RARB: variants seen among roughly 807,000 people sequenced by gnomAD.
RARB encodes retinoic acid receptor beta.
Under a neutral mutation model 51.9 loss-of-function variants are expected in RARB, and 17 were observed. The ratio of observed to expected loss-of-function variants is 0.33; its 90% CI spans 0.22 to 0.49. The LOEUF (loss-of-function observed/expected upper bound fraction) is 0.49, where lower values mean the gene tolerates loss of function less well. RARB is among the 20% of genes least tolerant of loss of function. The pLI is 0.99. For synonymous variants in RARB, 215 were observed against 195.4 expected (o/e 1.10, Z -0.84); for missense variants, 369 against 550.8 (o/e 0.67, Z 3.30).
At chr3:25,128,975 A>C (rs1699902757) in intron 3 of RARB, among the ~76,000 whole-genome samples, 1 of 152,188 alleles carries the variant, frequency 6.6e-6, no homozygotes, top group African/African-American at 2.4e-5. Context: ...GATGACATCC[A>C]AAACTGAAAT....
chr3:25,321,484 G>A (rs781158666), intron 5 of RARB, among the ~76,000 whole-genome samples: 18 of 152,120 alleles, frequency 1.2e-4, no homozygotes, highest in East Asian at 1.2e-3. Flanking sequence ...TTGGGAGGCC[G>A]AGGCAGTCCA....
chr3:24,877,604 C>T (rs528339579), intron 2 of RARB, among the ~76,000 whole-genome samples: 26 of 151,986 alleles, frequency 1.7e-4, no homozygotes, highest in Non-Finnish European at 3.1e-4. Flanking sequence ...GAAATACCAG[C>T]GTAAGGGCAG....
intron 2 of RARB, among the ~76,000 whole-genome samples, chr3:24,959,924 A>G (rs1696101902): frequency 6.6e-6 from 1 of 152,242 alleles, no homozygotes; most frequent in Admixed American, 6.5e-5. Flanking sequence ...TGTTCAGAGA[A>G]GCTTGGAGAC....
chr3:25,536,703 G>T (rs1179451159), intron 3 of RARB, among the ~76,000 whole-genome samples: 1 of 152,206 alleles, frequency 6.6e-6, no homozygotes, highest in African/African-American at 2.4e-5. Context: ...CAGATGTGTT[G>T]CTGTGTTGAG....
At chr3:25,275,970 T>A (rs1216079598) in intron 5 of RARB, among the ~76,000 whole-genome samples, 1 of 152,212 alleles carries the variant, frequency 6.6e-6, no homozygotes, top group African/African-American at 2.4e-5. Context: ...TATCTTAGAA[T>A]GAGCAGCAAG....
intron 2 of RARB, among the ~76,000 whole-genome samples, chr3:24,997,699 A>G (rs988271296): frequency 6.6e-6 from 1 of 152,040 alleles, no homozygotes; most frequent in Non-Finnish European, 1.5e-5. Flanking sequence ...TTACTTTTTA[A>G]TATAATTTAT....
At chr3:25,243,478 G>C (rs1241526848) in intron 5 of RARB, among the ~76,000 whole-genome samples, 2 of 152,084 alleles carry the variant, frequency 1.3e-5, no homozygotes, top group Non-Finnish European at 1.5e-5. Flanking sequence ...TTTGAGGTAT[G>C]TTTCATTAAT....
Position 25,119,245 on chromosome 3 carries a change from G to A in RARB, c.-327-12916G>A, listed in dbSNP as rs73047792. Among the ~76,000 whole-genome samples the A allele has an allele frequency of 5.7e-3, 862 of 152,212 alleles. 4 individuals carry two copies. Among genetic ancestry groups the A allele is most frequent in the Middle Eastern group, 0.02 (6 of 294 alleles). On this transcript the variant is annotated intron_variant, in intron 3 of 11. Coordinates refer to the RARB transcript ENST00000383772. ...AACAGGATGCTTGGTTCTGTTCTAT[G>A]GTCATCTACTGGCAGTGAGCTGGTG...
intron 2 of RARB, among the ~76,000 whole-genome samples, chr3:24,880,327 G>A (rs1442061630): frequency 6.6e-6 from 1 of 151,968 alleles, no homozygotes; most frequent in Non-Finnish European, 1.5e-5. Context: ...AAAAGAAAAG[G>A]CAGTGAAGGA....
At chr3:25,119,796 C>T (rs1699750217) in intron 3 of RARB, among the ~76,000 whole-genome samples, 1 of 152,138 alleles carries the variant, frequency 6.6e-6, no homozygotes, top group Non-Finnish European at 1.5e-5. Flanking sequence ...TTCTAATAGA[C>T]TATAAGATGC....
At chr3:25,456,716 G>C (rs1186243134) in intron 1 of RARB, among the ~76,000 whole-genome samples, 11 of 131,918 alleles carry the variant, frequency 8.3e-5, no homozygotes, top group Admixed American at 2.3e-4. Flanking sequence ...GAGAGAGAGA[G>C]AGTCAAATAC....
chr3:25,567,681 T>C (rs553645184), intron 3 of RARB, among the ~76,000 whole-genome samples: 1 of 152,274 alleles, frequency 6.6e-6, no homozygotes, highest in South Asian at 2.1e-4. Flanking sequence ...AATTGCTGCG[T>C]CACATGGTAC....
At chr3:24,871,785 A>G (rs955302935) in intron 2 of RARB, among the ~76,000 whole-genome samples, 1 of 152,156 alleles carries the variant, frequency 6.6e-6, no homozygotes, top group Non-Finnish European at 1.5e-5. Flanking sequence ...AGTTTCTGTT[A>G]TTGGTGACTT....
chr3:25,234,179 A>C (rs9876917), intron 5 of RARB, among the ~76,000 whole-genome samples: 118,395 of 151,998 alleles, frequency 0.78, 46,754 homozygotes, highest in East Asian at 0.85. Flanking sequence ...CCAGGGAAAC[A>C]ATCTAGGTTT....
chr3:25,239,342 G>A (rs1015117517), intron 5 of RARB, among the ~76,000 whole-genome samples: 2 of 152,126 alleles, frequency 1.3e-5, no homozygotes, highest in Non-Finnish European at 2.9e-5. Flanking sequence ...TTTGTTGGCT[G>A]TGCCTTTGAG....
chr3:25,578,511 A>G (rs1701035064), intron 4 of RARB, among the ~76,000 whole-genome samples: 2 of 151,420 alleles, frequency 1.3e-5, no homozygotes, highest in African/African-American at 4.9e-5. Flanking sequence ...TTGTAAAATG[A>G]TTTCCCTCCA....
rs181357029 is a variant in RARB at position 24,912,071 on chromosome 3, G to A, written c.-380+53319G>A. Among the ~76,000 whole-genome samples the A allele has an allele frequency of 1.4e-4, 21 of 152,256 alleles. No individual in the cohort carries two copies. The East Asian group carries it at 3.5e-3, about 25-fold the overall frequency. On this transcript the variant is annotated intron_variant, in intron 2 of 11. Coordinates refer to the RARB transcript ENST00000383772. Reference sequence around the variant, plus strand: ...GCGACATTTACTTATGCACATGGTCGCTAAACAAATATTGCTTGAGTGCCT... The same window carrying A: ...GCGACATTTACTTATGCACATGGTCACTAAACAAATATTGCTTGAGTGCCT...
intron 5 of RARB, among the ~76,000 whole-genome samples, chr3:25,584,676 C>T (rs895191376): frequency 7.9e-5 from 12 of 152,152 alleles, no homozygotes; most frequent in African/African-American, 2.9e-4. Flanking sequence ...TGATCGTGCA[C>T]AGATTCTCCT....
chr3:25,321,824 C>G (rs964834936), intron 5 of RARB, among the ~76,000 whole-genome samples: 1 of 151,020 alleles, frequency 6.6e-6, no homozygotes, highest in Non-Finnish European at 1.5e-5. Flanking sequence ...GTTGTAACTT[C>G]TCCCCAGAAG....
Sources: allele counts gnomAD v4.1 joint callset (sites outside exome capture counted in the v4.1 genomes callset), GRCh38; gene constraint gnomAD v4.1.1; transcripts MANE v1.5; gene names NCBI Gene and HGNC (gene_info 2026-07-23, HGNC 2026-07-21).